TCF12: variants seen among roughly 807,000 people sequenced by gnomAD.
The protein encoded by TCF12 is DNA-binding protein HTF4.
A neutral mutation model predicts 86.0 loss-of-function variants in TCF12; 45 were observed. The ratio of observed to expected loss-of-function variants is 0.52; its 90% CI spans 0.41 to 0.67. The LOEUF is 0.67. Among genes scored for constraint, TCF12 ranks in the 30% least tolerant of loss-of-function variants. TCF12 has a pLI of 0.00. For missense variants in TCF12, 881 were observed against 859.9 expected, an observed-to-expected ratio of 1.02 and a Z score of -0.31; for synonymous variants, 330 against 299.6, an observed-to-expected ratio of 1.10 and a Z score of -1.05.
Position 56,976,376 on chromosome 15 carries a change from G to A in TCF12, c.148+55278G>A, listed in dbSNP as rs140232329. The stretch of plus-strand genomic sequence containing the variant: ...CTCCCAAGTAGCTGGAAGTACAGGC[G>A]GCCGCTACCACGCCTGGCTAATTTT... On this transcript the variant is annotated intron_variant, in intron 3 of 20. Coordinates refer to ENST00000333725, the MANE Select transcript of TCF12 (RefSeq NM_207037.2). Among the ~76,000 whole-genome samples, 65 of 150,734 alleles carry A rather than the reference G, an allele frequency of 4.3e-4. 1 individual carries two copies. In the East Asian group the frequency reaches 0.012, roughly 28 times the overall value.
chr15:57,252,403 C>G lies in TCF12; in HGVS notation c.1189-18C>G, dbSNP rs770032403. Reference sequence around the variant, plus strand: ...CTTAACCTGTGCTTTGCCTCCTGTTCTGTCTTGACTTTGCCAGAAAAATCG... The same window carrying G: ...CTTAACCTGTGCTTTGCCTCCTGTTGTGTCTTGACTTTGCCAGAAAAATCG... On this transcript the variant is annotated intron_variant, in intron 14 of 20. Transcript: ENST00000333725. 9 of 1,610,688 alleles carry G rather than the reference C, an allele frequency of 5.6e-6. No homozygotes were observed. The highest frequency in any genetic ancestry group is 6.8e-6 in the Non-Finnish European group (8 of 1,177,242).
At chr15:57,202,185 A>G (rs901564172) in intron 8 of TCF12, among the ~76,000 whole-genome samples, 2 of 152,302 alleles carry the variant, frequency 1.3e-5, no homozygotes, top group East Asian at 3.9e-4. Context: ...ACATAGGGCC[A>G]AGATTACAAC....
chr15:57,187,599 C>G (rs2056749745), intron 6 of TCF12, among the ~76,000 whole-genome samples: 1 of 152,050 alleles, frequency 6.6e-6, no homozygotes, highest in South Asian at 2.1e-4. Context: ...CGTCCTGGGC[C>G]ACGTAACCCA....
chr15:57,100,148 C>G (rs2049624227), intron 5 of TCF12, among the ~76,000 whole-genome samples: 1 of 152,104 alleles, frequency 6.6e-6, no homozygotes, highest in African/African-American at 2.4e-5. Flanking sequence ...TAGTTCTAAC[C>G]AAGTGAACAT....
At chr15:56,999,728 G>C (rs2063912622) in intron 3 of TCF12, among the ~76,000 whole-genome samples, 1 of 151,968 alleles carries the variant, frequency 6.6e-6, no homozygotes, top group African/African-American at 2.4e-5. Flanking sequence ...ACAAAAATTA[G>C]CTGGGCGTGG....
intron 3 of TCF12, among the ~76,000 whole-genome samples, chr15:57,002,423 A>G (rs1334314396): frequency 1.3e-5 from 2 of 152,200 alleles, no homozygotes; most frequent in Non-Finnish European, 2.9e-5. Context: ...TATTTACTAT[A>G]TAAAGTCTAT....
chr15:57,256,246 CAG>C lies in TCF12; in HGVS notation c.1467+2781_1467+2782del, dbSNP rs1450817838. 7.9e-5 allele frequency among the ~76,000 whole-genome samples: 12 copies of C among 152,332 alleles called. 1 individual carries two copies. Among genetic ancestry groups the C allele is most frequent in the African/African-American group, 2.9e-4 (12 of 41,594 alleles). ...ATTAGTCTGCCACTGACTATCCCCG[CAG>C]AGTCTTAGGCATGTTATTGAGGAAG... On this transcript the variant is annotated intron_variant, in intron 16 of 20. Transcript: ENST00000333725.
chr15:57,031,113 A>G (rs902137568), intron 3 of TCF12, among the ~76,000 whole-genome samples: 1 of 152,244 alleles, frequency 6.6e-6, no homozygotes, highest in Non-Finnish European at 1.5e-5. Flanking sequence ...CAAAAGGAAT[A>G]GGGTGCAAAT....
intron 18 of TCF12, 90 bp downstream of exon 18, chr15:57,263,364 C>T: frequency 7.6e-7 from 1 of 1,316,736 alleles, no homozygotes; most frequent in Non-Finnish European, 1.1e-6. Context: ...TATTAACTGT[C>T]AGCTATGTTC....
chr15:57,012,492 G>A (rs2064891700), intron 3 of TCF12, among the ~76,000 whole-genome samples: 1 of 152,220 alleles, frequency 6.6e-6, no homozygotes. Flanking sequence ...ATCTACAAGT[G>A]TGGCTCTCAG....
chr15:57,222,770 T>C (rs1231497383), intron 8 of TCF12, among the ~76,000 whole-genome samples: 1 of 130,792 alleles, frequency 7.6e-6, no homozygotes, highest in African/African-American at 2.9e-5. Context: ...TTTTTTTTTT[T>C]TTTTTTTTTT....
intron 3 of TCF12, among the ~76,000 whole-genome samples, chr15:57,007,869 C>CTCT (rs2064539174): frequency 3.8e-5 from 1 of 26,142 alleles, no homozygotes; most frequent in Non-Finnish European, 8.4e-5. Flanking sequence ...TTCCTTCCTT[C>CTCT]CTTCCTTCCT....
chr15:57,274,516 T>C (rs760528825), intron 19 of TCF12, among the ~76,000 whole-genome samples: 11 of 152,220 alleles, frequency 7.2e-5, no homozygotes, highest in Non-Finnish European at 1.3e-4. Flanking sequence ...GGAGGCAGAT[T>C]GTTACCCACT....
chr15:57,056,155 T>TGTG (rs1351781869), intron 3 of TCF12, among the ~76,000 whole-genome samples: 2 of 95,804 alleles, frequency 2.1e-5, no homozygotes, highest in Admixed American at 9.5e-5. Context: ...GTGTGTGTGT[T>TGTG]TTGAGACAGA....
intron 5 of TCF12, among the ~76,000 whole-genome samples, chr15:57,150,151 C>T (rs965126451): frequency 6.6e-6 from 1 of 152,086 alleles, no homozygotes; most frequent in Admixed American, 6.5e-5. Flanking sequence ...AATCAGAATT[C>T]AGAGAAGCTA....
At chr15:57,065,618 A>G (rs775930009) in intron 4 of TCF12, among the ~76,000 whole-genome samples, 3 of 150,530 alleles carry the variant, frequency 2.0e-5, no homozygotes, top group Non-Finnish European at 3.0e-5. Flanking sequence ...GGCTTTCTTC[A>G]CCGCCCCGCC....
intron 3 of TCF12, among the ~76,000 whole-genome samples, chr15:56,933,421 T>G (rs1164218431): frequency 6.6e-6 from 1 of 152,206 alleles, no homozygotes; most frequent in East Asian, 1.9e-4. Flanking sequence ...TAATGCTCTG[T>G]TTTTTGTTCT....
chr15:56,969,364 A>G (rs766648260), intron 3 of TCF12, among the ~76,000 whole-genome samples: 3 of 152,142 alleles, frequency 2.0e-5, no homozygotes, highest in East Asian at 1.9e-4. Context: ...AAATTTGGAT[A>G]TATATCGGAG....
chr15:57,199,433 C>CTA (rs1395156116), intron 8 of TCF12, among the ~76,000 whole-genome samples: 1 of 151,984 alleles, frequency 6.6e-6, no homozygotes, highest in African/African-American at 2.4e-5. Context: ...TTTAGTAGAA[C>CTA]TATACAGGTT....
Sources: allele counts gnomAD v4.1 joint callset (sites outside exome capture counted in the v4.1 genomes callset), GRCh38; gene constraint gnomAD v4.1.1; transcripts MANE v1.5; gene names NCBI Gene and HGNC (gene_info 2026-07-23, HGNC 2026-07-21).